SMG7: variants seen among roughly 807,000 people sequenced by gnomAD.
The protein encoded by SMG7 is SMG7 nonsense mediated mRNA decay factor.
In SMG7, 34 loss-of-function variants were observed where a neutral mutation model predicts 148.2. The observed-to-expected ratio is 0.23, with a 90% CI of 0.17 to 0.31. SMG7 has a LOEUF of 0.31. SMG7 is among the 10% of genes least tolerant of loss of function. The pLI, the probability that SMG7 is intolerant of heterozygous loss-of-function variation, is 1.00. For synonymous variants in SMG7, 492 were observed against 515.1 expected (o/e 0.96, Z 0.61); for missense variants, 1,114 against 1,408.4 (o/e 0.79, Z 3.35).
At chr1:183,507,159 G>A (rs913825656) in intron 1 of SMG7, among the ~76,000 whole-genome samples, 5 of 152,074 alleles carry the variant, frequency 3.3e-5, no homozygotes, top group Non-Finnish European at 5.9e-5. Flanking sequence ...GATTACAGGC[G>A]TGAGCCAGTG....
intron 14 of SMG7, among the ~76,000 whole-genome samples, chr1:183,543,101 T>C (rs1669229749): frequency 6.6e-6 from 1 of 152,092 alleles, no homozygotes; most frequent in Non-Finnish European, 1.5e-5. Flanking sequence ...GGTTTCTTGC[T>C]GGGAAAAGAT....
intron 1 of SMG7, among the ~76,000 whole-genome samples, chr1:183,512,620 G>A (rs1034249444): frequency 5.3e-5 from 8 of 152,120 alleles, no homozygotes; most frequent in African/African-American, 1.9e-4. Flanking sequence ...ACTTTTAAGT[G>A]GTCCTTAAAC....
chr1:183,525,170 G>A (rs1358304269), intron 4 of SMG7, among the ~76,000 whole-genome samples: 1 of 152,196 alleles, frequency 6.6e-6, no homozygotes, highest in African/African-American at 2.4e-5. Context: ...CAAGCAAAGT[G>A]AGAGGAGAAA....
chr1:183,525,684 A>G (rs1056379810), intron 4 of SMG7, among the ~76,000 whole-genome samples: 1 of 152,140 alleles, frequency 6.6e-6, no homozygotes, highest in Non-Finnish European at 1.5e-5. Flanking sequence ...CCAGAAAAGA[A>G]TGTAGCAATA....
intron 4 of SMG7, among the ~76,000 whole-genome samples, chr1:183,525,402 G>T (rs1483862017): frequency 6.6e-6 from 1 of 152,080 alleles, no homozygotes; most frequent in Admixed American, 6.6e-5. Flanking sequence ...GGAGGGAGAG[G>T]GGTTGTGTGG....
rs1394733767 is a variant in SMG7, at chr1:183,544,356, A to G, written c.1846A>G (p.Lys616Glu). The G allele has an allele frequency of 6.2e-7, 1 of 1,613,590 alleles. No individual in the cohort carries two copies. Among genetic ancestry groups the G allele is most frequent in the African/African-American group, 1.3e-5 (1 of 74,876 alleles). ...GTTTTGCTTCTATTGGTTACAGGTA[A>G]AATCCCAGACAGAACTAAGAAAGAC... ...TGKQNVAVQV[K>E]SQTELRKTPV... Residue 616 changes from lysine (K) to glutamate (E), a missense_variant, in exon 15 of 23, where the codon AAA becomes GAA. Physicochemically the swap from Lys to Glu is moderately conservative, Grantham distance 56. This residue lies in a region of SMG7 where 788 missense variants were observed against 894.5 expected (regional missense o/e 0.88). Coordinates refer to ENST00000688051, the MANE Select transcript of SMG7 (RefSeq NM_001375584.1).
chr1:183,526,706 G>A lies in SMG7; in HGVS notation c.423G>A (p.Lys141=), dbSNP rs778492165. The A allele has an allele frequency of 4.3e-6, 7 of 1,613,834 alleles. No individual in the cohort carries two copies. Among genetic ancestry groups the A allele is most frequent in the South Asian group, 1.1e-5 (1 of 91,002 alleles). The stretch of plus-strand genomic sequence containing the variant: ...AGACGCATACCAGCGCCATAGTGAA[G>A]CCACAGTCTAGCTCCTGTTCCTATA... The part of the protein sequence containing the change: ...NKQTHTSAIV[K]PQSSSCSYIC... The change falls in exon 5 of 23, where the codon AAG becomes AAA. Residue 141 remains lysine, a synonymous_variant. Transcript: ENST00000688051.
rs181983210 is a variant in SMG7, at chr1:183,507,563, A to G, written c.30-5274A>G. ...GGGTTTCTTGCACTATAAAGTGGGA[A>G]CAATAACAGTACTTAGTGTGAAGTA... On this transcript the variant is annotated intron_variant, in intron 1 of 22. Transcript: ENST00000688051. 5.6e-4 allele frequency among the ~76,000 whole-genome samples: 85 copies of G among 152,338 alleles called. 1 individual carries two copies. The highest frequency in any genetic ancestry group is 2.0e-3 in the African/African-American group (82 of 41,578).
At chr1:183,522,895 G>C (rs963803756) in intron 4 of SMG7, among the ~76,000 whole-genome samples, 1 of 151,658 alleles carries the variant, frequency 6.6e-6, no homozygotes, top group African/African-American at 2.4e-5. Flanking sequence ...CCCCACCTCA[G>C]CCTCCCAAAT....
intron 1 of SMG7, among the ~76,000 whole-genome samples, chr1:183,481,063 A>G (rs907023256): frequency 2.0e-5 from 3 of 152,140 alleles, no homozygotes; most frequent in African/African-American, 2.4e-5. Flanking sequence ...CGTTGCTTCT[A>G]TATTAATAGT....
chr1:183,533,377 T>C (rs1321364999), intron 9 of SMG7, 51 bp downstream of exon 9: 1 of 1,555,510 alleles, frequency 6.4e-7, no homozygotes, highest in African/African-American at 1.4e-5. Flanking sequence ...AAACATCATC[T>C]TAGGCATTTC....
intron 1 of SMG7, among the ~76,000 whole-genome samples, chr1:183,489,552 A>C (rs948538593): frequency 5.3e-5 from 8 of 152,124 alleles, no homozygotes; most frequent in African/African-American, 1.9e-4. Context: ...AATGGAAATG[A>C]GGAATAAAAG....
intron 10 of SMG7, among the ~76,000 whole-genome samples, chr1:183,534,200 T>G (rs1222057478): frequency 6.6e-6 from 1 of 152,220 alleles, no homozygotes; most frequent in Non-Finnish European, 1.5e-5. Context: ...TTATTCCATT[T>G]TTTTCTGTAC....
chr1:183,535,504 G>C, intron 10 of SMG7, among the ~76,000 whole-genome samples: 1 of 152,226 alleles, frequency 6.6e-6, no homozygotes, highest in Middle Eastern at 3.4e-3. Context: ...TAAAACTGAA[G>C]ATTTTTCCTT....
In SMG7 at chr1:183,550,878, C is replaced by T; in HGVS notation, c.3261C>T (p.Asn1087=). 6.2e-7 allele frequency: 1 copy of T among 1,614,124 alleles called. No individual in the cohort carries two copies. The highest frequency in any genetic ancestry group is 1.7e-4 in the Middle Eastern group (1 of 6,060). The part of the protein sequence containing the change: ...SNFGPIGTPD[N]RDRRTADRWK... The stretch of plus-strand genomic sequence containing the variant: ...TTGGACCCATTGGGACTCCAGATAA[C>T]AGGGATAGAAGGACTGCAGATCGGT... Residue 1087 remains asparagine (N), a synonymous_variant, in exon 21 of 23, where the codon AAC becomes AAT. Transcript: ENST00000688051.
Position 183,553,278 on chromosome 1 carries a change from G to C in SMG7, c.*1347G>C. On this transcript the variant is annotated 3_prime_UTR_variant, in exon 23 of 23. Coordinates refer to ENST00000688051, the MANE Select transcript of SMG7 (RefSeq NM_001375584.1). ...GTAGAAACAGAAGGACAGCATTTCTGTTAGTCATTTCCTGGAAAAGTAATA... is the reference window on the plus strand; with the variant it reads ...GTAGAAACAGAAGGACAGCATTTCTCTTAGTCATTTCCTGGAAAAGTAATA... The C allele has an allele frequency of 7.5e-7, 1 of 1,341,470 alleles. No individual in the cohort carries two copies. The allele number at this position is 1,341,470 out of a possible 1,614,324, so 83.1% of individuals were successfully genotyped here. A position where few individuals can be genotyped will look rare whatever the true frequency, so the allele number is the denominator to read the frequency against.
chr1:183,485,213 C>T (rs980694504), intron 1 of SMG7, among the ~76,000 whole-genome samples: 29 of 152,086 alleles, frequency 1.9e-4, no homozygotes, highest in African/African-American at 6.8e-4. Flanking sequence ...CTATCTGTAT[C>T]TGTATAGTTT....
intron 4 of SMG7, among the ~76,000 whole-genome samples, chr1:183,520,294 T>TTA (rs1180222739): frequency 6.6e-6 from 1 of 151,986 alleles, no homozygotes; most frequent in Non-Finnish European, 1.5e-5. Flanking sequence ...TCATATAAAA[T>TTA]TATATATATA....
At chr1:183,514,049 AAG>A (rs1258293483) in intron 2 of SMG7, among the ~76,000 whole-genome samples, 122 of 151,244 alleles carry the variant, frequency 8.1e-4, no homozygotes, top group Middle Eastern at 3.4e-3. Flanking sequence ...AAAAAAAAAA[AAG>A]AGTAAATGAT....
Sources: gnomAD v4.1 joint callset for allele counts (sites outside exome capture counted in the v4.1 genomes callset) on GRCh38, gnomAD v4.1.1 for gene constraint, gnomAD v4.1.1 regional missense constraint, MANE v1.5 for transcripts, NCBI Gene and HGNC (gene_info 2026-07-23, HGNC 2026-07-21) for gene names.